Variants in RWDD4 observed in about 807,000 individuals in gnomAD.
The protein encoded by RWDD4 is RWD domain containing 4.
A neutral mutation model predicts 30.0 loss-of-function variants in RWDD4; 16 were observed. The ratio of observed to expected loss-of-function variants is 0.53; its 90% CI spans 0.36 to 0.81. The LOEUF is 0.81. Ranked by LOEUF, RWDD4 falls within the 30% of genes least tolerant of loss-of-function variation. The pLI is 0.00. For synonymous variants in RWDD4, 45 were observed against 72.1 expected, an observed-to-expected ratio of 0.62 and a Z score of 1.90; for missense variants, 170 against 223.9, an observed-to-expected ratio of 0.76 and a Z score of 1.54.
intron 2 of RWDD4, among the ~76,000 whole-genome samples, chr4:183,654,212 A>AGTGTC (rs1297262868): frequency 5.3e-5 from 8 of 152,218 alleles, no homozygotes; most frequent in African/African-American, 1.4e-4. Flanking sequence ...AAGGATTTGG[A>AGTGTC]GTGTCAAGTG....
intron 7 of RWDD4, 41 bp downstream of exon 7, chr4:183,646,310 A>G (rs776692684): frequency 3.2e-5 from 27 of 839,414 alleles, no homozygotes; most frequent in Admixed American, 7.8e-5. Flanking sequence ...TTGAGAGTGC[A>G]GGGAAAAGAA....
At chr4:183,644,857 G>A (rs933674479) in intron 7 of RWDD4, among the ~76,000 whole-genome samples, 17 of 152,172 alleles carry the variant, frequency 1.1e-4, no homozygotes, top group Admixed American at 2.0e-4. Flanking sequence ...AGTACTTTGG[G>A]AGGCCAAGGT....
intron 2 of RWDD4, among the ~76,000 whole-genome samples, chr4:183,652,808 CAA>C (rs1210590907): frequency 2.3e-4 from 26 of 112,652 alleles, no homozygotes; most frequent in Admixed American, 2.8e-4. Context: ...GACTCCATCT[CAA>C]AAAAAAAAAA....
intron 1 of RWDD4, among the ~76,000 whole-genome samples, chr4:183,656,684 A>G (rs1734200419): frequency 6.6e-6 from 1 of 152,252 alleles, no homozygotes; most frequent in Non-Finnish European, 1.5e-5. Context: ...TGAATTCTAC[A>G]AACTAAAGAT....
intron 1 of RWDD4, among the ~76,000 whole-genome samples, chr4:183,658,194 A>T (rs1734252720): frequency 6.6e-6 from 1 of 152,184 alleles, no homozygotes; most frequent in Non-Finnish European, 1.5e-5. Flanking sequence ...TTATACTTTA[A>T]ATTAACAGTG....
chr4:183,642,790 G>A (rs1179849888), intron 7 of RWDD4, among the ~76,000 whole-genome samples: 1 of 151,980 alleles, frequency 6.6e-6, no homozygotes, highest in Non-Finnish European at 1.5e-5. Flanking sequence ...TGGGCGCGGT[G>A]GCTCACGCCT....
chr4:183,642,543 G>A (rs1733880596), intron 7 of RWDD4, among the ~76,000 whole-genome samples: 1 of 152,106 alleles, frequency 6.6e-6, no homozygotes, highest in South Asian at 2.1e-4. Context: ...TCACAAATAT[G>A]CTTCAACAGT....
At chr4:183,645,128 A>G (rs1199718711) in intron 7 of RWDD4, among the ~76,000 whole-genome samples, 1 of 152,064 alleles carries the variant, frequency 6.6e-6, no homozygotes, top group Non-Finnish European at 1.5e-5. Flanking sequence ...AAAAAACCCA[A>G]AACAACAACC....
At chr4:183,658,039 A>T (rs556609745) in intron 1 of RWDD4, among the ~76,000 whole-genome samples, 1 of 152,348 alleles carries the variant, frequency 6.6e-6, no homozygotes, top group Admixed American at 6.5e-5. Context: ...TAACGCATTC[A>T]CTTAGAAATT....
At position 183,658,949 on chromosome 4, in the gene RWDD4, T is replaced by G. The variant is rs199540474; in HGVS notation, c.4A>C (p.Ser2Arg). 5,259 of 1,275,362 alleles carry G rather than the reference T, an allele frequency of 4.1e-3. 18 individuals are homozygous for G. Among genetic ancestry groups the G allele is most frequent in the Non-Finnish European group, 4.9e-3 (4,992 of 1,011,890 alleles). The allele number at this position is 1,275,362 out of a possible 1,614,324, so 79.0% of individuals were successfully genotyped here. A position where few individuals can be genotyped will look rare whatever the true frequency, so the allele number is the denominator to read the frequency against. M[S>R]ANEDQEMELE... Reference sequence around the variant, plus strand: ...CTCACCTCCTGGTCCTCGTTGGCACTCATCGCGCCGGTCGCGGGGCGCCTC... The same window carrying G: ...CTCACCTCCTGGTCCTCGTTGGCACGCATCGCGCCGGTCGCGGGGCGCCTC... The change falls in exon 1 of 8, where the codon AGT becomes CGT. Residue 2 changes from serine (S) to arginine (R), a missense_variant. Physicochemically the swap from Ser to Arg is moderately radical, Grantham distance 110 (BLOSUM62 -1). Transcript: ENST00000326397.
In RWDD4 at chr4:183,649,562, T is replaced by G. The variant is rs10015804; in HGVS notation, c.370A>C (p.Ile124Leu). 0.23 allele frequency: 352,751 copies of G among 1,504,414 alleles called. 43,007 individuals carry two copies. The highest frequency in any genetic ancestry group is 0.27 in the Admixed American group (14,944 of 54,500). The allele number at this position is 1,504,414 out of a possible 1,614,324, so 93.2% of individuals were successfully genotyped here. Residue 124 changes from isoleucine to leucine, a missense_variant, in exon 5 of 8, where the codon ATA becomes CTA. Physicochemically the swap from Ile to Leu is conservative, Grantham distance 5. Transcript: ENST00000326397. ...NHNPINSATS[I>L]SNIISIETPN... is the part of the protein sequence containing the mutation. ...GTTTCAATTGAGATGATATTGCTTATCGATGTCTAAAAAAAAAAAGAAATA... is the reference window on the plus strand; with the variant it reads ...GTTTCAATTGAGATGATATTGCTTAGCGATGTCTAAAAAAAAAAAGAAATA...
chr4:183,647,247 CCATG>C (rs1239443966), intron 5 of RWDD4, among the ~76,000 whole-genome samples: 3 of 152,092 alleles, frequency 2.0e-5, no homozygotes, highest in Non-Finnish European at 2.9e-5. Context: ...TTGATGTATG[CCATG>C]CATGTCTCCA....
intron 2 of RWDD4, among the ~76,000 whole-genome samples, chr4:183,655,476 G>A (rs1000606322): frequency 6.7e-6 from 1 of 148,942 alleles, no homozygotes; most frequent in Non-Finnish European, 1.5e-5. Flanking sequence ...AGAGACAGTG[G>A]GGTTTCACCA....
chr4:183,645,904 T>C (rs577938624), intron 7 of RWDD4, among the ~76,000 whole-genome samples: 1 of 152,348 alleles, frequency 6.6e-6, no homozygotes, highest in Non-Finnish European at 1.5e-5. Flanking sequence ...TCTTTTCTTT[T>C]CTTTTTCTGT....
intron 7 of RWDD4, among the ~76,000 whole-genome samples, chr4:183,645,735 G>T (rs1393061824): frequency 6.6e-6 from 1 of 152,120 alleles, no homozygotes; most frequent in African/African-American, 2.4e-5. Flanking sequence ...CAGCTAGCCT[G>T]GGTGACAGGG....
chr4:183,655,852 T>G (rs1734182638), intron 2 of RWDD4, 29 bp downstream of exon 2: 1 of 1,419,126 alleles, frequency 7.0e-7, no homozygotes, highest in South Asian at 1.2e-5. Context: ...AGAAAAGTTC[T>G]AAGTGCTCTT....
At chr4:183,651,422 C>A in intron 2 of RWDD4, 95 bp from the exon 3 acceptor site, 1 of 902,168 alleles carries the variant, frequency 1.1e-6, no homozygotes, top group South Asian at 1.5e-5. Flanking sequence ...TTCCAATACT[C>A]ATGCTCAGAT....
intron 1 of RWDD4, among the ~76,000 whole-genome samples, chr4:183,657,136 A>G (rs1249953359): frequency 2.0e-5 from 3 of 152,216 alleles, no homozygotes; most frequent in Non-Finnish European, 4.4e-5. Flanking sequence ...AAAACAAGAT[A>G]TACCCTTCTT....
At chr4:183,645,877 T>C (rs565818262) in intron 7 of RWDD4, among the ~76,000 whole-genome samples, 19 of 152,344 alleles carry the variant, frequency 1.2e-4, no homozygotes, top group African/African-American at 4.3e-4. Context: ...TGGAGTCATA[T>C]TTAAGAATCT....
Sources: gnomAD v4.1 joint callset for allele counts (sites outside exome capture counted in the v4.1 genomes callset) on GRCh38, gnomAD v4.1.1 for gene constraint, MANE v1.5 for transcripts, NCBI Gene and HGNC (gene_info 2026-07-23, HGNC 2026-07-21) for gene names.